The following MGST3 variants were observed in gnomAD, a reference collection of about 807,000 sequenced individuals.
MGST3 encodes the protein microsomal glutathione S-transferase 3.
MGST3 carries 13 observed loss-of-function variants against 15.8 expected under a neutral mutation model. The ratio of observed to expected loss-of-function variants is 0.82; its 90% CI spans 0.54 to 1.31. The LOEUF is 1.31. Among genes scored for constraint, MGST3 ranks in the 50% most tolerant of loss-of-function variants. The pLI is 0.00. For missense variants in MGST3, 155 were observed against 192.4 expected (o/e 0.81, Z 1.15); for synonymous variants, 49 against 68.1 (o/e 0.72, Z 1.38).
intron 1 of MGST3, among the ~76,000 whole-genome samples, chr1:165,635,487 G>T (rs1177730460): frequency 6.6e-6 from 1 of 152,148 alleles, no homozygotes; most frequent in Non-Finnish European, 1.5e-5. Flanking sequence ...TCGTGTGAGT[G>T]CAAGCTTGTG....
chr1:165,655,550 C>A lies in MGST3; in HGVS notation c.*46C>A, dbSNP rs373059941. Reference sequence around the variant, plus strand: ...ACTCTCATTCATTTTAAATGACTTACCTTTATTTCCAGTTACATTTTTTTT... The same window carrying A: ...ACTCTCATTCATTTTAAATGACTTAACTTTATTTCCAGTTACATTTTTTTT... On this transcript the variant is annotated 3_prime_UTR_variant, in exon 6 of 6. Coordinates refer to ENST00000367889, the MANE Select transcript of MGST3 (RefSeq NM_004528.4). 6.2e-7 allele frequency: 1 copy of A among 1,609,098 alleles called. No homozygotes were observed. The highest frequency in any genetic ancestry group is 8.5e-7 in the Non-Finnish European group (1 of 1,176,628).
chr1:165,637,327 CAT>C (rs1181928425), intron 1 of MGST3, among the ~76,000 whole-genome samples: 2 of 152,164 alleles, frequency 1.3e-5, no homozygotes, highest in Admixed American at 1.3e-4. Context: ...AGCTGAAAGA[CAT>C]AATCTTCTCT....
At chr1:165,650,244 G>C in intron 2 of MGST3, 1 of 457,296 alleles carries the variant, frequency 2.2e-6, no homozygotes. Flanking sequence ...GGAGCTATTT[G>C]CTAGGAAGAG....
chr1:165,636,958 C>T (rs9333404), intron 1 of MGST3: 5,321 of 152,246 alleles, frequency 0.035, 327 homozygotes, highest in African/African-American at 0.12. Flanking sequence ...AGCACCACCT[C>T]AGAGTGTTCT....
intron 1 of MGST3, among the ~76,000 whole-genome samples, chr1:165,643,882 A>C (rs1360631738): frequency 1.3e-5 from 2 of 151,962 alleles, no homozygotes; most frequent in African/African-American, 4.8e-5. Flanking sequence ...AATAAAATAA[A>C]ATAAAAAAAT....
At chr1:165,643,554 TAAA>T (rs368951005) in intron 1 of MGST3, among the ~76,000 whole-genome samples, 1 of 142,290 alleles carries the variant, frequency 7.0e-6, no homozygotes, top group South Asian at 2.2e-4. Context: ...TCCTATCTCT[TAAA>T]AAAAAAAAAA....
At chr1:165,640,758 C>T (rs1648240624) in intron 1 of MGST3, among the ~76,000 whole-genome samples, 1 of 152,316 alleles carries the variant, frequency 6.6e-6, no homozygotes, top group African/African-American at 2.4e-5. Context: ...AGGAGACACG[C>T]TCTCTGTCCT....
At chr1:165,649,761 A>C in intron 1 of MGST3, 80 bp from the exon 2 acceptor site, 1 of 1,576,944 alleles carries the variant, frequency 6.3e-7, no homozygotes, top group Non-Finnish European at 8.7e-7. Context: ...CCAGTAATAA[A>C]GCATCTTGCT....
rs1207332492 is a variant in MGST3, at chr1:165,651,100, C to T, written c.191+13C>T. ...CCCACCAGAACACGTGAGTGTCGGC[C>T]CTGCCGGGCACCAAAGACATCTGCA... On this transcript the variant is annotated intron_variant, in intron 3 of 5. Coordinates refer to ENST00000367889, the MANE Select transcript of MGST3 (RefSeq NM_004528.4). 3.7e-6 allele frequency: 6 copies of T among 1,613,382 alleles called. No individual in the cohort carries two copies. The highest frequency in any genetic ancestry group is 5.1e-6 in the Non-Finnish European group (6 of 1,179,428).
At chr1:165,649,278 C>CA (rs1242256102) in intron 1 of MGST3, 2 of 156,632 alleles carry the variant, frequency 1.3e-5, no homozygotes, top group Non-Finnish European at 2.8e-5. Context: ...TGTCTGAAGG[C>CA]AAAAAACTTG....
chr1:165,643,194 C>G (rs912564955), intron 1 of MGST3, among the ~76,000 whole-genome samples: 2 of 151,818 alleles, frequency 1.3e-5, no homozygotes, highest in African/African-American at 4.8e-5. Flanking sequence ...CTGTTTTAAC[C>G]TCTTTAATAT....
chr1:165,645,781 T>C lies in MGST3; in HGVS notation c.-7-4060T>C, dbSNP rs530614665. On this transcript the variant is annotated intron_variant, in intron 1 of 5. Coordinates refer to ENST00000367889, the MANE Select transcript of MGST3 (RefSeq NM_004528.4). ...GGGCCATTGTTAAATATGCAGTCCATCACTGAAACGCATGGCTGCATGTGG... is the reference window on the plus strand; with the variant it reads ...GGGCCATTGTTAAATATGCAGTCCACCACTGAAACGCATGGCTGCATGTGG... 6.6e-5 allele frequency: 10 copies of C among 152,334 alleles called. No homozygotes were observed. The South Asian group carries it at 2.1e-3, about 32-fold the overall frequency. The allele number at this position is 152,334 out of a possible 1,614,324, so 9.4% of individuals were successfully genotyped here.
In MGST3 at chr1:165,655,702, C is replaced by A. The variant is rs966816804; in HGVS notation, c.*198C>A. ...GTCCTACTAGATGAGAAAGGAGCCA[C>A]AAGTATTGTGCCCTCTCCTCACCCT... On this transcript the variant is annotated 3_prime_UTR_variant, in exon 6 of 6. Coordinates refer to ENST00000367889, the MANE Select transcript of MGST3 (RefSeq NM_004528.4). 3.1e-6 allele frequency: 2 copies of A among 640,030 alleles called. No homozygotes were observed. The highest frequency in any genetic ancestry group is 1.8e-5 in the African/African-American group (1 of 54,078). 39.6% of individuals were successfully genotyped at this position (640,030 alleles called of 1,614,324 possible).
chr1:165,654,596 C>T (rs912096607), intron 5 of MGST3, among the ~76,000 whole-genome samples: 4 of 151,938 alleles, frequency 2.6e-5, no homozygotes, highest in South Asian at 4.2e-4. Flanking sequence ...GAGGCTGAGG[C>T]GGGAGGATTG....
intron 1 of MGST3, chr1:165,646,690 A>C (rs1484156822): frequency 1.3e-5 from 2 of 152,286 alleles, no homozygotes; most frequent in Non-Finnish European, 2.9e-5. Context: ...GGTGGTGGTC[A>C]TTCTGAAAGA....
intron 2 of MGST3, 119 bp from the exon 3 acceptor site, chr1:165,650,895 C>A: frequency 1.2e-6 from 1 of 835,384 alleles, no homozygotes; most frequent in Non-Finnish European, 2.1e-6. Context: ...ATTGAATGGT[C>A]ATCTATCAAG....
Position 165,655,589 on chromosome 1 carries a change from A to C in MGST3, c.*85A>C. The C allele has an allele frequency of 6.6e-7, 1 of 1,526,488 alleles. No homozygotes were observed. The highest frequency in any genetic ancestry group is 8.9e-7 in the Non-Finnish European group (1 of 1,117,522). The allele number at this position is 1,526,488 out of a possible 1,614,324, so 94.6% of individuals were successfully genotyped here. A position where few individuals can be genotyped will look rare whatever the true frequency, so the allele number is the denominator to read the frequency against. ...TACATTTTTTTTCTAAATATAATAA[A>C]AACTTACCTGGCATCAGCCTCATAC... On this transcript the variant is annotated 3_prime_UTR_variant, in exon 6 of 6. Coordinates refer to ENST00000367889, the MANE Select transcript of MGST3 (RefSeq NM_004528.4).
chr1:165,653,902 C>T (rs1648629386), intron 4 of MGST3: 1 of 324,424 alleles, frequency 3.1e-6, no homozygotes, highest in African/African-American at 2.2e-5. Flanking sequence ...CGGCATTTCC[C>T]CTAGTCCTGA....
At chr1:165,651,892 C>CA (rs58194137) in intron 3 of MGST3, 86 bp from the exon 4 acceptor site, 5,900 of 471,062 alleles carry the variant, frequency 0.013, 34 homozygotes, top group African/African-American at 0.031. Flanking sequence ...CACTCCGTCT[C>CA]AAAAAAAAAA....
Sources: gnomAD v4.1 joint callset for allele counts (sites outside exome capture counted in the v4.1 genomes callset) on GRCh38, gnomAD v4.1.1 for gene constraint, MANE v1.5 for transcripts, NCBI Gene and HGNC (gene_info 2026-07-23, HGNC 2026-07-21) for gene names.